IL1R2: variants seen among roughly 807,000 people sequenced by gnomAD.
IL1R2 encodes interleukin 1 receptor type 2.
In IL1R2, 46 loss-of-function variants were observed where a neutral mutation model predicts 39.5. That is an observed-to-expected ratio of 1.16 (90% CI 0.92 to 1.49). IL1R2 has a LOEUF of 1.49. IL1R2 is among the 40% of genes most tolerant of loss of function. The pLI is 0.00. For synonymous variants in IL1R2, 207 were observed against 189.6 expected (o/e 1.09, Z -0.75); for missense variants, 537 against 502.0 (o/e 1.07, Z -0.67).
chr2:101,992,526 CAG>C (rs746937098), intron 1 of IL1R2, among the ~76,000 whole-genome samples: 22 of 129,542 alleles, frequency 1.7e-4, no homozygotes, highest in Non-Finnish European at 3.0e-4. Context: ...GGCAGAGAGA[CAG>C]AGATGGAGAG....
In IL1R2 at chr2:102,024,639, G is replaced by C. The variant is rs765187964; in HGVS notation, c.858G>C (p.Pro286=). The change falls in exon 7 of 9, where the codon CCG becomes CCC. Residue 286 remains proline (P), a synonymous_variant. Coordinates refer to ENST00000332549, the MANE Select transcript of IL1R2 (RefSeq NM_004633.4). Reference sequence around the variant, plus strand: ...ACACCCACATAGAGAGCGCCTACCCGGGAGGCCGCGTGACCGAGGGGCCAC... The same window carrying C: ...ACACCCACATAGAGAGCGCCTACCCCGGAGGCCGCGTGACCGAGGGGCCAC... ...ANDTHIESAY[P]GGRVTEGPRQ... The C allele has an allele frequency of 5.0e-6, 8 of 1,613,968 alleles. No individual in the cohort carries two copies. Among genetic ancestry groups the C allele is most frequent in the Non-Finnish European group, 6.8e-6 (8 of 1,179,986 alleles).
At chr2:102,021,305 C>CTTTTTTTTTTTTTTTTTTT (rs546019141) in intron 5 of IL1R2, among the ~76,000 whole-genome samples, 4 of 122,836 alleles carry the variant, frequency 3.3e-5, no homozygotes, top group South Asian at 2.6e-4. Flanking sequence ...CTTTTCTTTT[C>CTTTTTTTTTTTTTTTTTTT]TTTTTTTTTT....
rs1677751066 is a variant in IL1R2 at position 102,026,400 on chromosome 2, AT to A, written c.1030+152del. ...GTGGAGAGCTGAAAAGAAACCTCCC[AT>A]TTTTAAAGAGTTTTGGTAGGGTGGA... On this transcript the variant is annotated intron_variant, in intron 8 of 8. Transcript: ENST00000332549. The A allele has an allele frequency of 4.6e-6, 3 of 656,356 alleles. No homozygotes were observed. The Admixed American group carries it at 9.2e-5, about 20-fold the overall frequency. 40.7% of individuals were successfully genotyped at this position (656,356 alleles called of 1,614,324 possible). A position where few individuals can be genotyped will look rare whatever the true frequency, so the allele number is the denominator to read the frequency against.
intron 4 of IL1R2, 155 bp downstream of exon 4, chr2:102,016,206 A>G (rs893686178): frequency 1.0e-5 from 6 of 573,116 alleles, no homozygotes; most frequent in South Asian, 2.7e-5. Context: ...TGAGTTCCAC[A>G]TCCTGGGATT....
At chr2:102,003,691 T>G (rs1676065680) in intron 1 of IL1R2, among the ~76,000 whole-genome samples, 1 of 149,606 alleles carries the variant, frequency 6.7e-6, no homozygotes, top group African/African-American at 2.5e-5. Flanking sequence ...TGTGTCGGTG[T>G]CTAGGCCTAT....
intron 8 of IL1R2, among the ~76,000 whole-genome samples, chr2:102,026,592 G>C (rs1188484940): frequency 6.6e-6 from 1 of 152,182 alleles, no homozygotes; most frequent in Non-Finnish European, 1.5e-5. Flanking sequence ...AGAAGAGGGT[G>C]GATTGTTCTT....
chr2:102,008,859 C>CAAA (rs763395048), intron 2 of IL1R2, among the ~76,000 whole-genome samples: 16 of 57,980 alleles, frequency 2.8e-4, no homozygotes, highest in African/African-American at 6.8e-4. Flanking sequence ...CACGTCTCTA[C>CAAA]AAAAAAAAAA....
Position 102,016,063 on chromosome 2 carries a change from A to T in IL1R2, c.513+12A>T. 1 of 1,581,700 alleles carries T rather than the reference A, an allele frequency of 6.3e-7. No homozygotes were observed. Among genetic ancestry groups the T allele is most frequent in the Non-Finnish European group, 8.6e-7 (1 of 1,161,700 alleles). On this transcript the variant is annotated intron_variant, in intron 4 of 8. Transcript: ENST00000332549. ...TTCAATGGTACAAGGTACGGCTTTA[A>T]AAAATGCCATTTTACTAAAATGTGT...
At position 102,004,189 on chromosome 2, in the gene IL1R2, A is replaced by G. The variant is rs565356314; in HGVS notation, c.-61-4326A>G. 2.6e-5 allele frequency among the ~76,000 whole-genome samples: 4 copies of G among 152,250 alleles called. No homozygotes were observed. The East Asian group carries it at 7.7e-4, about 29-fold the overall frequency. ...CTTTCAACTTTTCAGTCTTTTTGTA[A>G]TTTTTAAAAATTAAATGAAAAGGTG... On this transcript the variant is annotated intron_variant, in intron 1 of 8. Coordinates refer to ENST00000332549, the MANE Select transcript of IL1R2 (RefSeq NM_004633.4).
chr2:102,021,305 C>CTTTTTTTTTTTT (rs546019141), intron 5 of IL1R2, among the ~76,000 whole-genome samples: 5 of 122,844 alleles, frequency 4.1e-5, no homozygotes, highest in Non-Finnish European at 6.8e-5. Flanking sequence ...CTTTTCTTTT[C>CTTTTTTTTTTTT]TTTTTTTTTT....
chr2:102,009,618 G>A lies in IL1R2; in HGVS notation c.124G>A (p.Glu42Lys). ...GCATTACAAGCGGGAGTTCAGGCTG[G>A]AAGGGGAGCCTGTAGCCCTGAGGTG... The part of the protein sequence containing the change: ...GRHYKREFRL[E>K]GEPVALRCPQ... The change falls in exon 3 of 9, where the codon GAA (glutamate) becomes AAA (lysine). Residue 42 changes from glutamate to lysine, a missense_variant. Coordinates refer to ENST00000332549, the MANE Select transcript of IL1R2 (RefSeq NM_004633.4). 6.2e-7 allele frequency: 1 copy of A among 1,614,154 alleles called. No homozygotes were observed. Among genetic ancestry groups the A allele is most frequent in the East Asian group, 2.2e-5 (1 of 44,880 alleles).
chr2:102,001,464 G>A (rs1247380741), intron 1 of IL1R2, among the ~76,000 whole-genome samples: 1 of 152,212 alleles, frequency 6.6e-6, no homozygotes, highest in Non-Finnish European at 1.5e-5. Context: ...GGGATGGGAG[G>A]CTAGTGTCCA....
At chr2:102,022,113 C>A in intron 5 of IL1R2, 74 bp from the exon 6 acceptor site, 1 of 1,257,526 alleles carries the variant, frequency 8.0e-7, no homozygotes, top group South Asian at 1.2e-5. Flanking sequence ...GTTGATTAGC[C>A]AAACAATGAC....
chr2:102,007,591 A>G (rs1676345887), intron 1 of IL1R2, among the ~76,000 whole-genome samples: 1 of 152,220 alleles, frequency 6.6e-6, no homozygotes, highest in African/African-American at 2.4e-5. Context: ...GCCAAGATTA[A>G]GGACAATGCC....
intron 3 of IL1R2, among the ~76,000 whole-genome samples, chr2:102,012,464 C>A (rs1485840288): frequency 2.0e-5 from 3 of 152,110 alleles, no homozygotes; most frequent in African/African-American, 7.2e-5. Context: ...CACGTCATCC[C>A]CAGTCCTAGG....
chr2:102,026,092 G>A lies in IL1R2; in HGVS notation c.888-19G>A. On this transcript the variant is annotated intron_variant, in intron 7 of 8. Coordinates refer to ENST00000332549, the MANE Select transcript of IL1R2 (RefSeq NM_004633.4). ...GCATTCGATACAATCATAATTAAGT[G>A]AATGTTTTTTTAACTCAGGGAATAT... The A allele has an allele frequency of 5.1e-6, 8 of 1,570,320 alleles. No individual in the cohort carries two copies. The highest frequency in any genetic ancestry group is 1.1e-5 in the South Asian group (1 of 87,878).
intron 5 of IL1R2, among the ~76,000 whole-genome samples, chr2:102,020,438 A>G (rs534705148): frequency 9.2e-5 from 14 of 152,216 alleles, no homozygotes; most frequent in Non-Finnish European, 1.5e-4. Context: ...GACAGGTGTA[A>G]CCATGTGTAA....
chr2:102,016,212 G>A, intron 4 of IL1R2, 161 bp downstream of exon 4: 11 of 524,958 alleles, frequency 2.1e-5, no homozygotes, highest in Admixed American at 1.1e-4. Context: ...CCACATCCTG[G>A]GATTCAACCA....
intron 4 of IL1R2, among the ~76,000 whole-genome samples, chr2:102,018,382 G>A (rs1326892852): frequency 1.3e-5 from 2 of 152,196 alleles, no homozygotes; most frequent in African/African-American, 2.4e-5. Flanking sequence ...AGCCGTGGCC[G>A]AGTGACTCCA....
Sources: allele counts gnomAD v4.1 joint callset (sites outside exome capture counted in the v4.1 genomes callset), GRCh38; gene constraint gnomAD v4.1.1; transcripts MANE v1.5; gene names NCBI Gene and HGNC (gene_info 2026-07-23, HGNC 2026-07-21).